Variants in CFAP251 observed in about 807,000 individuals in gnomAD.
CFAP251 encodes the protein cilia and flagella associated protein 251.
A neutral mutation model predicts 126.7 loss-of-function variants in CFAP251; 93 were observed. The observed-to-expected ratio is 0.73, with a 90% CI of 0.62 to 0.87. CFAP251 has a LOEUF of 0.87. CFAP251 is among the 40% of genes least tolerant of loss of function. The probability of loss-of-function intolerance (pLI) is 0.00; values close to 1 mark genes in which losing one functional copy is unlikely to be tolerated. For synonymous variants in CFAP251, 503 were observed against 506.9 expected (o/e 0.99, Z 0.10); for missense variants, 1,287 against 1,389.2 (o/e 0.93, Z 1.17).
At chr12:121,936,939 A>G (rs1040531814) in intron 5 of CFAP251, among the ~76,000 whole-genome samples, 11 of 152,184 alleles carry the variant, frequency 7.2e-5, no homozygotes, top group Non-Finnish European at 1.2e-4. Context: ...GGCAGGAGGC[A>G]GGTGTGAGTG....
chr12:121,958,201 A>G (rs1275843512), intron 11 of CFAP251, 71 bp from the exon 12 acceptor site: 17 of 1,583,836 alleles, frequency 1.1e-5, no homozygotes, highest in Middle Eastern at 3.4e-4. Flanking sequence ...ATGTGCAATT[A>G]GAAGCAGAAT....
chr12:121,936,401 C>T (rs1369082178), intron 5 of CFAP251, among the ~76,000 whole-genome samples: 6 of 152,186 alleles, frequency 3.9e-5, no homozygotes, highest in African/African-American at 1.2e-4. Context: ...GAGCCATGAT[C>T]GTGCCATTGC....
chr12:121,955,121 C>T (rs542165015), intron 10 of CFAP251, among the ~76,000 whole-genome samples: 2 of 152,204 alleles, frequency 1.3e-5, no homozygotes, highest in African/African-American at 4.8e-5. Context: ...TGGTGAAACC[C>T]TGTCTCTACT....
At chr12:121,955,439 T>C (rs1345390003) in intron 10 of CFAP251, among the ~76,000 whole-genome samples, 4 of 152,196 alleles carry the variant, frequency 2.6e-5, no homozygotes, top group Non-Finnish European at 5.9e-5. Flanking sequence ...GTTGAGCCTC[T>C]ATTTCTTCAT....
At chr12:121,999,638 C>A in intron 19 of CFAP251, 78 bp from the exon 20 acceptor site, 1 of 1,162,292 alleles carries the variant, frequency 8.6e-7, no homozygotes. Context: ...ACCAGCCCTA[C>A]TGTCCAATTT....
chr12:121,929,056 C>T (rs1206638732), intron 3 of CFAP251, among the ~76,000 whole-genome samples: 1 of 152,022 alleles, frequency 6.6e-6, no homozygotes, highest in African/African-American at 2.4e-5. Context: ...GGAGCAGTGG[C>T]TCATGCCTGT....
At chr12:121,955,016 T>G (rs1881678872) in intron 10 of CFAP251, among the ~76,000 whole-genome samples, 1 of 152,168 alleles carries the variant, frequency 6.6e-6, no homozygotes, top group African/African-American at 2.4e-5. Flanking sequence ...CAAGATAACA[T>G]TTACAGCTGG....
intron 1 of CFAP251, among the ~76,000 whole-genome samples, chr12:121,920,562 A>T (rs1200758442): frequency 4.0e-5 from 6 of 151,740 alleles, no homozygotes; most frequent in African/African-American, 1.2e-4. Context: ...AAGCCCGGCT[A>T]ATTTTTTGTA....
intron 19 of CFAP251, among the ~76,000 whole-genome samples, chr12:121,976,036 T>C (rs1239469127): frequency 7.0e-6 from 1 of 143,126 alleles, no homozygotes; most frequent in Admixed American, 7.2e-5. Context: ...TGAGGTGGAG[T>C]CTCCCTCTGT....
At position 121,921,430 on chromosome 12, in the gene CFAP251, A is replaced by G. The variant is rs753188271; in HGVS notation, c.125A>G (p.Asp42Gly). The change falls in exon 2 of 22, where the codon GAT (aspartate) becomes GGT (glycine). Residue 42 changes from aspartate to glycine, a missense_variant. Coordinates refer to ENST00000288912, the MANE Select transcript of CFAP251 (RefSeq NM_144668.6). ...EVEDPQQESK[D>G]DTIAWRESQE... is the part of the protein sequence containing the mutation. ...GAAGATCCACAACAGGAATCAAAAG[A>G]TGACACAATAGCATGGAGAGAGTCT... 3.1e-6 allele frequency: 5 copies of G among 1,613,932 alleles called. No homozygotes were observed. Among genetic ancestry groups the G allele is most frequent in the South Asian group, 1.1e-5 (1 of 91,064 alleles).
intron 10 of CFAP251, among the ~76,000 whole-genome samples, chr12:121,955,425 CCTTG>C (rs1881694185): frequency 6.6e-6 from 1 of 152,154 alleles, no homozygotes; most frequent in African/African-American, 2.4e-5. Context: ...AGGAACTTAA[CCTTG>C]TTGAGCCTCT....
chr12:121,929,568 C>G (rs1880593841), intron 3 of CFAP251, among the ~76,000 whole-genome samples: 1 of 151,946 alleles, frequency 6.6e-6, no homozygotes, highest in South Asian at 2.1e-4. Context: ...ACAAATGTAT[C>G]CTGACATGTA....
chr12:121,960,558 A>G, intron 13 of CFAP251, 27 bp from the exon 14 acceptor site: 1 of 1,612,296 alleles, frequency 6.2e-7, no homozygotes, highest in Admixed American at 1.7e-5. Flanking sequence ...AAAATGGGAT[A>G]ACTCCTTCTC....
intron 5 of CFAP251, among the ~76,000 whole-genome samples, chr12:121,935,813 G>C (rs191733742): frequency 1.3e-5 from 2 of 152,230 alleles, no homozygotes; most frequent in African/African-American, 2.4e-5. Flanking sequence ...GAAGGCCGGG[G>C]TTGTGTTCCC....
intron 19 of CFAP251, among the ~76,000 whole-genome samples, chr12:121,976,128 C>T (rs1344988623): frequency 1.3e-5 from 2 of 151,934 alleles, no homozygotes; most frequent in African/African-American, 2.4e-5. Flanking sequence ...CCTGGCTCAG[C>T]CTTCCGAGTA....
At chr12:121,972,681 G>C (rs1369124095) in intron 17 of CFAP251, among the ~76,000 whole-genome samples, 1 of 152,010 alleles carries the variant, frequency 6.6e-6, no homozygotes, top group Non-Finnish European at 1.5e-5. Context: ...GTAGAGAAAG[G>C]GTTTCACCGT....
chr12:121,995,080 C>T (rs1882994039), intron 19 of CFAP251, among the ~76,000 whole-genome samples: 1 of 152,142 alleles, frequency 6.6e-6, no homozygotes, highest in Admixed American at 6.5e-5. Flanking sequence ...CAGAAAAGCC[C>T]AATGCATACG....
chr12:121,982,401 C>T (rs1268468718), intron 19 of CFAP251, among the ~76,000 whole-genome samples: 4 of 147,878 alleles, frequency 2.7e-5, no homozygotes, highest in South Asian at 2.1e-4. Context: ...TTTTTTGAGA[C>T]GGAGTTTCAC....
chr12:121,944,217 A>G (rs1483529857), intron 7 of CFAP251, among the ~76,000 whole-genome samples: 1 of 152,170 alleles, frequency 6.6e-6, no homozygotes, highest in Non-Finnish European at 1.5e-5. Context: ...GACTTGCAGG[A>G]TCTAAAATCC....
Sources: gnomAD v4.1 joint callset for allele counts (sites outside exome capture counted in the v4.1 genomes callset) on GRCh38, gnomAD v4.1.1 for gene constraint, MANE v1.5 for transcripts, NCBI Gene and HGNC (gene_info 2026-07-23, HGNC 2026-07-21) for gene names.